SUGCT: variants seen among roughly 807,000 people sequenced by gnomAD.
SUGCT encodes the protein succinyl-CoA:glutarate-CoA transferase, also known as succinyl-CoA:glutarate CoA-transferase.
SUGCT carries 41 observed loss-of-function variants against 55.0 expected under a neutral mutation model. The observed-to-expected ratio is 0.74, with a 90% CI of 0.58 to 0.97. The LOEUF (loss-of-function observed/expected upper bound fraction) is 0.97. Among genes scored for constraint, SUGCT ranks in the 50% least tolerant of loss-of-function variants. The pLI is 0.00. For missense variants in SUGCT, 568 were observed against 547.8 expected, an observed-to-expected ratio of 1.04 and a Z score of -0.37; for synonymous variants, 187 against 200.4, an observed-to-expected ratio of 0.93 and a Z score of 0.56.
At chr7:40,989,915 C>G in the SUGCT span, among the ~76,000 whole-genome samples, 2 of 152,208 alleles carry the variant, frequency 1.3e-5, no homozygotes, top group African/African-American at 4.8e-5. Flanking sequence ...GTTACTTTCT[C>G]TGCTGAAGTC....
the SUGCT span, among the ~76,000 whole-genome samples, chr7:40,891,068 G>T: frequency 1.3e-5 from 2 of 151,904 alleles, no homozygotes; most frequent in Non-Finnish European, 2.9e-5. Context: ...AAGCAAAAGG[G>T]AGCATTAGCA....
intron 13 of SUGCT, among the ~76,000 whole-genome samples, chr7:40,845,957 C>T (rs746687397): frequency 1.3e-5 from 2 of 152,136 alleles, no homozygotes; most frequent in Non-Finnish European, 2.9e-5. Flanking sequence ...CTTTTCAAAG[C>T]TCATTTGAGG....
chr7:40,248,554 G>A (rs572266477), intron 7 of SUGCT, among the ~76,000 whole-genome samples: 9 of 151,660 alleles, frequency 5.9e-5, no homozygotes, highest in Non-Finnish European at 1.0e-4. Context: ...TTCTACATGC[G>A]CAATTATTAT....
chr7:40,396,148 G>T (rs1427441514), intron 9 of SUGCT, among the ~76,000 whole-genome samples: 9 of 152,098 alleles, frequency 5.9e-5, no homozygotes, highest in Non-Finnish European at 8.8e-5. Context: ...CATTTTTGAG[G>T]TTCAGAAAGT....
chr7:40,336,327 C>T (rs568751016), intron 9 of SUGCT, among the ~76,000 whole-genome samples: 19 of 152,216 alleles, frequency 1.2e-4, no homozygotes, highest in Non-Finnish European at 2.6e-4. Context: ...GGAATGGTAC[C>T]AGCTCCTCCC....
At chr7:40,365,806 C>A (rs1490346260) in intron 9 of SUGCT, among the ~76,000 whole-genome samples, 4 of 152,206 alleles carry the variant, frequency 2.6e-5, no homozygotes, top group Admixed American at 6.5e-5. Context: ...CATGAGTAGG[C>A]AGAATCAATA....
At chr7:40,870,435 G>T in the SUGCT span, among the ~76,000 whole-genome samples, 1 of 151,970 alleles carries the variant, frequency 6.6e-6, no homozygotes, top group East Asian at 1.9e-4. Context: ...CCTGTCTCTT[G>T]TAAGCAAACT....
chr7:40,440,903 A>T (rs1788479463), intron 9 of SUGCT, among the ~76,000 whole-genome samples: 1 of 151,926 alleles, frequency 6.6e-6, no homozygotes. Flanking sequence ...GACTGCAGTG[A>T]GCTAGGATTA....
chr7:40,263,707 A>G (rs1485883000), intron 7 of SUGCT, among the ~76,000 whole-genome samples: 1 of 152,224 alleles, frequency 6.6e-6, no homozygotes, highest in African/African-American at 2.4e-5. Context: ...AAAGACATTA[A>G]TAATATTAGG....
At chr7:40,475,493 A>G (rs933316076) in intron 11 of SUGCT, among the ~76,000 whole-genome samples, 9 of 152,218 alleles carry the variant, frequency 5.9e-5, no homozygotes, top group African/African-American at 2.2e-4. Context: ...TTTAAAACCA[A>G]GCAAAATAGA....
At chr7:40,487,936 G>A (rs1403489331) in intron 11 of SUGCT, among the ~76,000 whole-genome samples, 2 of 151,844 alleles carry the variant, frequency 1.3e-5, no homozygotes, top group African/African-American at 2.4e-5. Flanking sequence ...CATACTACAA[G>A]AGAAAGAAAA....
chr7:40,735,795 G>C (rs1176730613), intron 12 of SUGCT, among the ~76,000 whole-genome samples: 1 of 152,108 alleles, frequency 6.6e-6, no homozygotes, highest in Admixed American at 6.5e-5. Context: ...TTTTGACCAT[G>C]GTTCTTGAAA....
chr7:40,548,205 T>G (rs1431305440), intron 12 of SUGCT, among the ~76,000 whole-genome samples: 1 of 149,210 alleles, frequency 6.7e-6, no homozygotes, highest in East Asian at 1.9e-4. Flanking sequence ...TTTTTTTTTT[T>G]TGTGATTAGG....
chr7:40,641,086 T>C (rs1330970397), intron 12 of SUGCT, among the ~76,000 whole-genome samples: 1 of 152,256 alleles, frequency 6.6e-6, no homozygotes, highest in Non-Finnish European at 1.5e-5. Flanking sequence ...TTCTTAACCT[T>C]AAAGTCACAA....
intron 12 of SUGCT, among the ~76,000 whole-genome samples, chr7:40,712,020 A>G (rs1331940609): frequency 6.6e-6 from 1 of 152,238 alleles, no homozygotes; most frequent in Admixed American, 6.5e-5. Flanking sequence ...AAAGATGAGG[A>G]AACTGCGGCT....
rs537202361 is a variant in SUGCT, at chr7:40,251,376, A to T, written c.576+13650A>T. Among the ~76,000 whole-genome samples the T allele has an allele frequency of 3.3e-5, 5 of 152,272 alleles. No homozygotes were observed. In the South Asian group the frequency reaches 1.0e-3, roughly 32 times the overall value. ...TAACCTAACTCTAGTCAAGTTCCAT[A>T]ACATGTAAATTCTATACTGCAACAA... On this transcript the variant is annotated intron_variant, in intron 7 of 13. Coordinates refer to ENST00000335693, the MANE Select transcript of SUGCT (RefSeq NM_001193313.2).
chr7:40,497,326 T>G (rs902213849), intron 12 of SUGCT, among the ~76,000 whole-genome samples: 3 of 152,218 alleles, frequency 2.0e-5, no homozygotes, highest in African/African-American at 7.2e-5. Flanking sequence ...CCTTTTATCT[T>G]ACATGAATAT....
the SUGCT span, among the ~76,000 whole-genome samples, chr7:40,992,798 A>G: frequency 2.0e-5 from 3 of 152,190 alleles, no homozygotes; most frequent in Admixed American, 2.0e-4. Context: ...CCTCAGTTTC[A>G]GTACCTGTAA....
intron 12 of SUGCT, among the ~76,000 whole-genome samples, chr7:40,711,567 G>A (rs115975670): frequency 0.014 from 2,134 of 152,144 alleles, 65 homozygotes; most frequent in African/African-American, 0.048. Context: ...TAATGGAGAC[G>A]TTAGTTTGCA....
Sources: gnomAD v4.1 joint callset for allele counts (sites outside exome capture counted in the v4.1 genomes callset) on GRCh38, gnomAD v4.1.1 for gene constraint, MANE v1.5 for transcripts, NCBI Gene and HGNC (gene_info 2026-07-23, HGNC 2026-07-21) for gene names.